KCNH8: variants seen among roughly 807,000 people sequenced by gnomAD.
KCNH8 encodes the protein voltage-gated delayed rectifier potassium channel KCNH8.
In KCNH8, 70 loss-of-function variants were observed where a neutral mutation model predicts 103.6. The observed-to-expected ratio is 0.68, with a 90% CI of 0.56 to 0.82. The LOEUF (loss-of-function observed/expected upper bound fraction) is 0.82. Ranked by LOEUF, KCNH8 falls within the 40% of genes least tolerant of loss-of-function variation. The probability of loss-of-function intolerance (pLI) is 0.00; values close to 1 mark genes in which losing one functional copy is unlikely to be tolerated. For synonymous variants in KCNH8, 498 were observed against 489.4 expected, an observed-to-expected ratio of 1.02 and a Z score of -0.23; for missense variants, 1,217 against 1,329.9, an observed-to-expected ratio of 0.92 and a Z score of 1.32.
At chr3:19,333,910 C>T (rs1345428689) in intron 3 of KCNH8, among the ~76,000 whole-genome samples, 1 of 152,074 alleles carries the variant, frequency 6.6e-6, no homozygotes, top group East Asian at 1.9e-4. Flanking sequence ...CACACTTTTT[C>T]CCCCACAGTT....
intron 11 of KCNH8, among the ~76,000 whole-genome samples, chr3:19,500,469 T>C (rs2068554261): frequency 6.8e-6 from 1 of 146,634 alleles, no homozygotes; most frequent in African/African-American, 2.5e-5. Context: ...CCACCCCAAA[T>C]CAACAGAATA....
At chr3:19,345,841 T>C (rs1428827058) in intron 4 of KCNH8, among the ~76,000 whole-genome samples, 2 of 152,100 alleles carry the variant, frequency 1.3e-5, no homozygotes, top group Non-Finnish European at 2.9e-5. Context: ...TTTTAAAATA[T>C]GTTCTAAGTA....
At chr3:19,205,514 G>A (rs2063706090) in intron 1 of KCNH8, among the ~76,000 whole-genome samples, 1 of 151,942 alleles carries the variant, frequency 6.6e-6, no homozygotes, top group Non-Finnish European at 1.5e-5. Flanking sequence ...AGAGAAAACT[G>A]ATAAAACACC....
intron 3 of KCNH8, among the ~76,000 whole-genome samples, chr3:19,335,170 C>CTA (rs916087042): frequency 3.5e-4 from 53 of 151,514 alleles, no homozygotes; most frequent in African/African-American, 1.2e-3. Context: ...CCTTCTATTG[C>CTA]TTATTATAAA....
At chr3:19,203,498 A>G (rs1474509353) in intron 1 of KCNH8, among the ~76,000 whole-genome samples, 2 of 152,226 alleles carry the variant, frequency 1.3e-5, no homozygotes, top group Admixed American at 1.3e-4. Flanking sequence ...AAAATTTTGC[A>G]GTTAAAAATT....
intron 11 of KCNH8, among the ~76,000 whole-genome samples, chr3:19,470,973 C>T (rs1320251442): frequency 1.3e-5 from 2 of 152,208 alleles, no homozygotes; most frequent in East Asian, 1.9e-4. Context: ...TCAAAGAGCA[C>T]GACATATACC....
intron 10 of KCNH8, among the ~76,000 whole-genome samples, chr3:19,453,520 A>G (rs1165059103): frequency 2.0e-5 from 3 of 152,116 alleles, no homozygotes; most frequent in Non-Finnish European, 4.4e-5. Context: ...AATTTAAATC[A>G]TGCAATTTAT....
chr3:19,300,119 T>C (rs527819311), intron 3 of KCNH8, among the ~76,000 whole-genome samples: 6 of 152,026 alleles, frequency 3.9e-5, no homozygotes, highest in Non-Finnish European at 5.9e-5. Context: ...CATGGTGGCA[T>C]GTGCCTGTAT....
chr3:19,437,922 C>A (rs763199834), intron 7 of KCNH8, among the ~76,000 whole-genome samples: 2 of 152,126 alleles, frequency 1.3e-5, no homozygotes, highest in Non-Finnish European at 2.9e-5. Flanking sequence ...TAGCTTTGAC[C>A]ATCAATCCAC....
At chr3:19,485,891 G>T (rs981363437) in intron 11 of KCNH8, among the ~76,000 whole-genome samples, 6 of 152,158 alleles carry the variant, frequency 3.9e-5, no homozygotes, top group Admixed American at 3.9e-4. Context: ...TTTCCCCCAG[G>T]GTTTAACAGG....
chr3:19,452,653 A>T (rs2067466960), intron 10 of KCNH8, among the ~76,000 whole-genome samples: 1 of 152,186 alleles, frequency 6.6e-6, no homozygotes, highest in South Asian at 2.1e-4. Context: ...TTGTGCTAAT[A>T]AAAGGGGGTG....
At chr3:19,228,542 A>C (rs1353319279) in intron 1 of KCNH8, among the ~76,000 whole-genome samples, 2 of 152,246 alleles carry the variant, frequency 1.3e-5, no homozygotes, top group Non-Finnish European at 2.9e-5. Flanking sequence ...GGGGCAGCTC[A>C]GTAAAACCAT....
At chr3:19,190,040 G>C (rs564041597) in intron 1 of KCNH8, among the ~76,000 whole-genome samples, 3 of 152,022 alleles carry the variant, frequency 2.0e-5, no homozygotes, top group African/African-American at 7.2e-5. Context: ...AGCAGAGATG[G>C]CGTCGTTAAG....
In KCNH8 at chr3:19,533,814, T is replaced by C. The variant is rs1267141870; in HGVS notation, c.3039T>C (p.Ser1013=). ...ATTTGCAATTTTTAAGGTGCATCTC[T>C]CCACATTCAGATTCTACGTTGACGC... ...EGHLQFLRCI[S]PHSDSTLTPL... is the part of the protein sequence containing the mutation. Residue 1013 remains serine (S), a synonymous_variant, in exon 16 of 16, where the codon TCT becomes TCC. Coordinates refer to ENST00000328405, the MANE Select transcript of KCNH8 (RefSeq NM_144633.3). 4 of 1,614,194 alleles carry C rather than the reference T, an allele frequency of 2.5e-6. No homozygotes were observed. The East Asian group carries it at 6.7e-5, about 27-fold the overall frequency.
chr3:19,275,156 GA>G (rs1559454052), intron 2 of KCNH8, among the ~76,000 whole-genome samples: 1 of 151,398 alleles, frequency 6.6e-6, no homozygotes, highest in Non-Finnish European at 1.5e-5. Context: ...TAAAGATGCT[GA>G]AAAGAAAAGG....
In KCNH8 at chr3:19,303,249, A is replaced by C. The variant is rs548466955; in HGVS notation, c.442+21920A>C. ...GTTTATCTGTGGAAACTGGCAGATTAAATGCGTGGATTTCCAAAACATCAC... is the reference window on the plus strand; with the variant it reads ...GTTTATCTGTGGAAACTGGCAGATTCAATGCGTGGATTTCCAAAACATCAC... On this transcript the variant is annotated intron_variant, in intron 3 of 15. Coordinates refer to ENST00000328405, the MANE Select transcript of KCNH8 (RefSeq NM_144633.3). 2.6e-5 allele frequency among the ~76,000 whole-genome samples: 4 copies of C among 152,330 alleles called. No homozygotes were observed. The South Asian group carries it at 8.3e-4, about 32-fold the overall frequency.
In KCNH8 at chr3:19,451,210, A is replaced by G; in HGVS notation, c.1631A>G (p.Lys544Arg). Residue 544 changes from lysine (K) to arginine (R), a missense_variant, in exon 10 of 16, where the codon AAG (lysine) becomes AGG (arginine). Coordinates refer to ENST00000328405, the MANE Select transcript of KCNH8 (RefSeq NM_144633.3). ...LRSDITMHLN[K>R]EILQLSLFEC... is the part of the protein sequence containing the mutation. The stretch of plus-strand genomic sequence containing the variant: ...TCTGACATCACTATGCACTTGAACA[A>G]GGAGATCTTACAGTTGTCCCTTTTT... The G allele has an allele frequency of 6.2e-7, 1 of 1,613,756 alleles. No individual in the cohort carries two copies. The highest frequency in any genetic ancestry group is 8.5e-7 in the Non-Finnish European group (1 of 1,179,680).
chr3:19,246,057 A>T lies in KCNH8; in HGVS notation c.77-7597A>T, dbSNP rs553039817. The stretch of plus-strand genomic sequence containing the variant: ...TGGAAAAGTGAAATTTACAAAATTT[A>T]TTGATGATTTTGCTAATTCTAAATT... On this transcript the variant is annotated intron_variant, in intron 1 of 15. Coordinates refer to ENST00000328405, the MANE Select transcript of KCNH8 (RefSeq NM_144633.3). Among the ~76,000 whole-genome samples, 11 of 152,262 alleles carry T rather than the reference A, an allele frequency of 7.2e-5. No individual in the cohort carries two copies. In the South Asian group the frequency reaches 2.3e-3, roughly 32 times the overall value.
At chr3:19,399,813 T>TAACTTACCA (rs1191942377) in intron 7 of KCNH8, among the ~76,000 whole-genome samples, 2 of 151,998 alleles carry the variant, frequency 1.3e-5, no homozygotes, top group African/African-American at 4.8e-5. Context: ...GTGATATTTT[T>TAACTTACCA]GTATCAGTCA....
Sources: gnomAD v4.1 joint callset for allele counts (sites outside exome capture counted in the v4.1 genomes callset) on GRCh38, gnomAD v4.1.1 for gene constraint, MANE v1.5 for transcripts, NCBI Gene and HGNC (gene_info 2026-07-23, HGNC 2026-07-21) for gene names.